The following TMEM117 variants were observed in gnomAD, a reference collection of about 807,000 sequenced individuals.
TMEM117 encodes transmembrane protein 117.
TMEM117 carries 27 observed loss-of-function variants against 52.4 expected under a neutral mutation model. That is an observed-to-expected ratio of 0.51 (90% CI 0.38 to 0.71). The LOEUF (loss-of-function observed/expected upper bound fraction) is 0.71, where lower values mean the gene tolerates loss of function less well. Ranked by LOEUF, TMEM117 falls within the 30% of genes least tolerant of loss-of-function variation. The probability of loss-of-function intolerance (pLI) is 0.00; values close to 1 mark genes in which losing one functional copy is unlikely to be tolerated. For missense variants in TMEM117, 556 were observed against 630.5 expected (o/e 0.88, Z 1.26); for synonymous variants, 215 against 206.3 (o/e 1.04, Z -0.36).
At chr12:44,213,583 G>A (rs768764557) in intron 5 of TMEM117, among the ~76,000 whole-genome samples, 18 of 152,174 alleles carry the variant, frequency 1.2e-4, no homozygotes, top group Middle Eastern at 3.2e-3. Flanking sequence ...TTGAATTGTA[G>A]TTCCCATAAT....
At chr12:43,883,804 C>G (rs1259059831) in intron 2 of TMEM117, among the ~76,000 whole-genome samples, 1 of 151,464 alleles carries the variant, frequency 6.6e-6, no homozygotes, top group East Asian at 1.9e-4. Context: ...AAACAAGGAT[C>G]TAGCCAAGCA....
At chr12:44,219,470 T>A (rs769213922) in intron 5 of TMEM117, among the ~76,000 whole-genome samples, 3 of 152,166 alleles carry the variant, frequency 2.0e-5, no homozygotes, top group Non-Finnish European at 4.4e-5. Context: ...TTATGGAGGT[T>A]AAGCAAGAAA....
intron 3 of TMEM117, among the ~76,000 whole-genome samples, chr12:43,962,747 T>C (rs749896858): frequency 3.9e-5 from 6 of 152,042 alleles, no homozygotes; most frequent in Non-Finnish European, 7.4e-5. Context: ...GAAGAAACCC[T>C]GTCTCTACTA....
intron 3 of TMEM117, among the ~76,000 whole-genome samples, chr12:44,120,455 C>T (rs1242520634): frequency 1.3e-5 from 2 of 152,102 alleles, no homozygotes; most frequent in African/African-American, 4.8e-5. Context: ...TAGGCTTATT[C>T]TTCTGCCCAT....
intron 3 of TMEM117, among the ~76,000 whole-genome samples, chr12:43,950,718 A>G (rs1945206700): frequency 6.6e-6 from 1 of 152,208 alleles, no homozygotes; most frequent in African/African-American, 2.4e-5. Context: ...GCACTAACAG[A>G]CAAAATTTTT....
At chr12:44,304,275 C>T (rs1054572958) in intron 6 of TMEM117, among the ~76,000 whole-genome samples, 1 of 152,196 alleles carries the variant, frequency 6.6e-6, no homozygotes, top group African/African-American at 2.4e-5. Flanking sequence ...GGGCAAAATT[C>T]AGCTGGCACA....
chr12:44,252,870 T>A (rs756662436), intron 5 of TMEM117, among the ~76,000 whole-genome samples: 6 of 152,000 alleles, frequency 3.9e-5, no homozygotes, highest in Non-Finnish European at 7.4e-5. Context: ...CCAGGAAAAA[T>A]TTCACTACAG....
intron 7 of TMEM117, among the ~76,000 whole-genome samples, chr12:44,379,095 C>T (rs1335509004): frequency 1.4e-5 from 2 of 147,938 alleles, no homozygotes; most frequent in East Asian, 4.0e-4. Context: ...ACACCCTGGG[C>T]AACATAGGGA....
chr12:43,852,563 T>C (rs117577677), intron 2 of TMEM117, among the ~76,000 whole-genome samples: 5,698 of 152,234 alleles, frequency 0.037, 267 homozygotes, highest in African/African-American at 0.1. Flanking sequence ...GATTGTGCCA[T>C]TGCACTCCAG....
intron 5 of TMEM117, among the ~76,000 whole-genome samples, chr12:44,258,043 T>C (rs1198904175): frequency 6.6e-6 from 1 of 152,106 alleles, no homozygotes; most frequent in Non-Finnish European, 1.5e-5. Context: ...AGACAGAACA[T>C]AGTTTGAAAA....
At chr12:43,966,509 G>A (rs1163495569) in intron 3 of TMEM117, among the ~76,000 whole-genome samples, 2 of 152,156 alleles carry the variant, frequency 1.3e-5, no homozygotes, top group Non-Finnish European at 2.9e-5. Flanking sequence ...CCTAAAGCTA[G>A]TAGGAGAGAA....
downstream of TMEM117, among the ~76,000 whole-genome samples, chr12:44,394,383 C>T (rs1249598907): frequency 6.6e-6 from 1 of 152,188 alleles, no homozygotes; most frequent in Admixed American, 6.5e-5. Flanking sequence ...TTCAACAGAA[C>T]CCCCTTGGCT....
intron 5 of TMEM117, among the ~76,000 whole-genome samples, chr12:44,289,346 T>G (rs1950674333): frequency 6.6e-6 from 1 of 151,966 alleles, no homozygotes. Flanking sequence ...AATGATGATA[T>G]GAACAAGAAA....
At chr12:44,006,086 A>G (rs530910034) in intron 3 of TMEM117, among the ~76,000 whole-genome samples, 1 of 152,316 alleles carries the variant, frequency 6.6e-6, no homozygotes, top group Admixed American at 6.5e-5. Context: ...AGCTATAAAG[A>G]TGGGCCTCCC....
intron 5 of TMEM117, among the ~76,000 whole-genome samples, chr12:44,289,116 G>A (rs1477915142): frequency 6.6e-6 from 1 of 151,616 alleles, no homozygotes; most frequent in Non-Finnish European, 1.5e-5. Context: ...ATACAGTATG[G>A]GTATTTCTAT....
chr12:43,848,017 C>G (rs893226106), intron 2 of TMEM117, among the ~76,000 whole-genome samples: 57 of 151,834 alleles, frequency 3.8e-4, no homozygotes, highest in Non-Finnish European at 1.0e-4. Context: ...TCAAAAGGGG[C>G]GGGGGTGTAA....
the TMEM117 span, among the ~76,000 whole-genome samples, chr12:43,818,444 G>GTTTTTTTTTTTTTT: frequency 8.2e-6 from 1 of 121,834 alleles, no homozygotes; most frequent in African/African-American, 3.0e-5. Flanking sequence ...TTTTTTTTTT[G>GTTTTTTTTTTTTTT]TTTTTATTTT....
chr12:43,808,296 A>T, the TMEM117 span, among the ~76,000 whole-genome samples: 1 of 152,232 alleles, frequency 6.6e-6, no homozygotes, highest in African/African-American at 2.4e-5. Context: ...ACAGGGTTGT[A>T]GCTGCATGCA....
intron 4 of TMEM117, among the ~76,000 whole-genome samples, chr12:44,150,546 G>A (rs965242439): frequency 6.6e-6 from 1 of 152,086 alleles, no homozygotes; most frequent in African/African-American, 2.4e-5. Context: ...CAGTTTGTTT[G>A]ATCATTTGAT....
Sources: allele counts gnomAD v4.1 joint callset (sites outside exome capture counted in the v4.1 genomes callset), GRCh38; gene constraint gnomAD v4.1.1; transcripts MANE v1.5; gene names NCBI Gene and HGNC (gene_info 2026-07-23, HGNC 2026-07-21).